The following ZDHHC2 variants were observed in gnomAD, a reference collection of about 807,000 sequenced individuals.
The protein encoded by ZDHHC2 is zDHHC palmitoyltransferase 2.
A neutral mutation model predicts 55.6 loss-of-function variants in ZDHHC2; 51 were observed. The observed-to-expected ratio is 0.92, with a 90% CI of 0.73 to 1.16. ZDHHC2 has a LOEUF of 1.16. Among genes scored for constraint, ZDHHC2 ranks in the 50% most tolerant of loss-of-function variants. ZDHHC2 has a pLI of 0.00. For synonymous variants in ZDHHC2, 199 were observed against 152.9 expected (o/e 1.30, Z -2.22); for missense variants, 491 against 442.4 (o/e 1.11, Z -0.99).
At chr8:17,209,781 T>C in intron 8 of ZDHHC2, 151 bp from the exon 9 acceptor site, 2 of 789,404 alleles carry the variant, frequency 2.5e-6, no homozygotes, top group Non-Finnish European at 3.8e-6. Flanking sequence ...ACACCCTATA[T>C]TTCAGGGCTG....
At chr8:17,180,481 T>C (rs904387318) in intron 1 of ZDHHC2, among the ~76,000 whole-genome samples, 6 of 152,344 alleles carry the variant, frequency 3.9e-5, no homozygotes, top group South Asian at 4.1e-4. Context: ...TGTACAAATA[T>C]TACTTTTCTC....
intron 3 of ZDHHC2, among the ~76,000 whole-genome samples, chr8:17,195,043 A>C (rs1183322305): frequency 6.6e-6 from 1 of 152,136 alleles, no homozygotes; most frequent in Non-Finnish European, 1.5e-5. Flanking sequence ...GTGCTGGGGG[A>C]GATTTTATGT....
intron 1 of ZDHHC2, 146 bp downstream of exon 1, chr8:17,156,999 A>T (rs1585626319): frequency 2.7e-6 from 2 of 738,736 alleles, no homozygotes; most frequent in East Asian, 7.3e-5. Context: ...CCGCCGCTAA[A>T]AGCAGCCTCG....
chr8:17,181,491 A>C (rs1256382288), intron 1 of ZDHHC2, among the ~76,000 whole-genome samples: 2 of 152,206 alleles, frequency 1.3e-5, no homozygotes. Flanking sequence ...GTTGACAAAA[A>C]TTGAAATAAC....
At chr8:17,189,546 T>A (rs1487271049) in intron 3 of ZDHHC2, among the ~76,000 whole-genome samples, 2 of 152,248 alleles carry the variant, frequency 1.3e-5, no homozygotes, top group Non-Finnish European at 2.9e-5. Context: ...AAGTTATTCA[T>A]ACACATGCAG....
Position 17,224,518 on chromosome 8 carries a change from A to C in ZDHHC2, c.*4297A>C, listed in dbSNP as rs935330850. On this transcript the variant is annotated 3_prime_UTR_variant, in exon 13 of 13. Coordinates refer to ENST00000262096, the MANE Select transcript of ZDHHC2 (RefSeq NM_016353.5). ...TCTTCCGGGGAAGGTTTAACAGTACAAGGAGCTGAATCCTACCTGAAATTA... is the reference window on the plus strand; with the variant it reads ...TCTTCCGGGGAAGGTTTAACAGTACCAGGAGCTGAATCCTACCTGAAATTA... 4 of 151,764 alleles carry C rather than the reference A, an allele frequency of 2.6e-5. No homozygotes were observed. Among genetic ancestry groups the C allele is most frequent in the African/African-American group, 9.7e-5 (4 of 41,430 alleles). 9.4% of individuals were successfully genotyped at this position (151,764 alleles called of 1,614,324 possible). A position where few individuals can be genotyped will look rare whatever the true frequency, so the allele number is the denominator to read the frequency against.
Position 17,184,790 on chromosome 8 carries a change from G to A in ZDHHC2, c.132G>A (p.Val44=). 4 of 1,550,370 alleles carry A rather than the reference G, an allele frequency of 2.6e-6. No individual in the cohort carries two copies. The highest frequency in any genetic ancestry group is 2.4e-5 in the East Asian group (1 of 41,154). ...TATTACCTTTTTTTCTCTTTACAGTGTCCATGGAAAACACTGGCGAACAAG... is the reference window on the plus strand; with the variant it reads ...TATTACCTTTTTTTCTCTTTACAGTATCCATGGAAAACACTGGCGAACAAG... ...YYAYAIQLCI[V]SMENTGEQVV... is the part of the protein sequence containing the mutation. Residue 44 remains valine, a splice_region_variant and synonymous_variant, in exon 2 of 13, where the codon GTG becomes GTA. Coordinates refer to ENST00000262096, the MANE Select transcript of ZDHHC2 (RefSeq NM_016353.5).
intron 3 of ZDHHC2, among the ~76,000 whole-genome samples, chr8:17,187,622 C>G (rs1805780641): frequency 6.6e-6 from 1 of 151,456 alleles, no homozygotes; most frequent in African/African-American, 2.4e-5. Context: ...CTATCCCAGT[C>G]TTTTTTTTTC....
intron 1 of ZDHHC2, among the ~76,000 whole-genome samples, chr8:17,162,443 C>T (rs1028698753): frequency 2.0e-5 from 3 of 152,172 alleles, no homozygotes; most frequent in African/African-American, 4.8e-5. Flanking sequence ...TAAATTGGTA[C>T]TTGCAGGAAT....
chr8:17,176,322 C>T (rs186242824), intron 1 of ZDHHC2, among the ~76,000 whole-genome samples: 1 of 152,122 alleles, frequency 6.6e-6, no homozygotes, highest in East Asian at 1.9e-4. Context: ...TCAAGTTTTG[C>T]ACCATCGAAG....
chr8:17,179,396 TTTTC>T (rs1038022145), intron 1 of ZDHHC2, among the ~76,000 whole-genome samples: 7 of 152,158 alleles, frequency 4.6e-5, no homozygotes, highest in Non-Finnish European at 7.4e-5. Context: ...TCTTTTTTTG[TTTTC>T]TTTATTTCTT....
rs58120599 is a variant in ZDHHC2 at position 17,214,135 on chromosome 8, A to C, written c.951-1102A>C. On this transcript the variant is annotated intron_variant, in intron 10 of 12. Coordinates refer to ENST00000262096, the MANE Select transcript of ZDHHC2 (RefSeq NM_016353.5). ...GTTACAATTACTATTTCAGAACATT[A>C]TAAAACATCACTAATAGTTTCTATG... 2.7e-3 allele frequency among the ~76,000 whole-genome samples: 412 copies of C among 152,322 alleles called. 4 individuals carry two copies. The highest frequency in any genetic ancestry group is 9.6e-3 in the African/African-American group (401 of 41,584).
intron 1 of ZDHHC2, among the ~76,000 whole-genome samples, chr8:17,164,832 C>T (rs1369150642): frequency 6.6e-6 from 1 of 152,016 alleles, no homozygotes; most frequent in Non-Finnish European, 1.5e-5. Context: ...TAAATTCTGT[C>T]TCTGTGTTTA....
chr8:17,201,954 G>A (rs1471311975), intron 6 of ZDHHC2, among the ~76,000 whole-genome samples: 1 of 151,884 alleles, frequency 6.6e-6, no homozygotes, highest in Admixed American at 6.6e-5. Flanking sequence ...CAGAATTCTG[G>A]GGATCAATCT....
At position 17,210,612 on chromosome 8, in the gene ZDHHC2, G is replaced by A. The variant is rs927395896; in HGVS notation, c.950+132G>A. The A allele has an allele frequency of 5.7e-6, 4 of 700,494 alleles. No individual in the cohort carries two copies. The African/African-American group carries it at 7.3e-5, about 13-fold the overall frequency. 43.4% of individuals were successfully genotyped at this position (700,494 alleles called of 1,614,324 possible). ...TACTGCAATGGTTTCCACTTGAAAT[G>A]AGGGAAAAAAGAAAGTATGATTGAG... On this transcript the variant is annotated intron_variant, in intron 10 of 12. Transcript: ENST00000262096.
intron 8 of ZDHHC2, among the ~76,000 whole-genome samples, chr8:17,208,526 A>G (rs1421797311): frequency 5.3e-5 from 8 of 151,954 alleles, no homozygotes; most frequent in Admixed American, 3.9e-4. Context: ...TAGCTCAAGG[A>G]TAGGAGTTTG....
At chr8:17,158,058 T>G (rs1804151486) in intron 1 of ZDHHC2, among the ~76,000 whole-genome samples, 1 of 152,152 alleles carries the variant, frequency 6.6e-6, no homozygotes, top group African/African-American at 2.4e-5. Context: ...TTTGCTGTTA[T>G]TACTTGAAGG....
At chr8:17,204,121 T>G (rs1806970460) in intron 6 of ZDHHC2, among the ~76,000 whole-genome samples, 1 of 152,226 alleles carries the variant, frequency 6.6e-6, no homozygotes, top group African/African-American at 2.4e-5. Flanking sequence ...GTGGCTTCTT[T>G]ATAAATTATT....
rs188268793 is a variant in ZDHHC2, at chr8:17,222,303, G to A, written c.*2082G>A. ...AATTATAGGAGTTATAATCTTTGGA[G>A]ATGATTGCATATCTCATTAGATATG... On this transcript the variant is annotated 3_prime_UTR_variant, in exon 13 of 13. Transcript: ENST00000262096. The A allele has an allele frequency of 8.1e-4, 123 of 151,722 alleles. No homozygotes were observed. The highest frequency in any genetic ancestry group is 2.8e-3 in the African/African-American group (116 of 41,516). 9.4% of individuals were successfully genotyped at this position (151,722 alleles called of 1,614,324 possible).
Sources: allele counts gnomAD v4.1 joint callset (sites outside exome capture counted in the v4.1 genomes callset), GRCh38; gene constraint gnomAD v4.1.1; transcripts MANE v1.5; gene names NCBI Gene and HGNC (gene_info 2026-07-23, HGNC 2026-07-21).